LARGE1: variants seen among roughly 807,000 people sequenced by gnomAD.
LARGE1 encodes the protein LARGE xylosyl- and glucuronyltransferase 1.
Under a neutral mutation model 87.6 loss-of-function variants are expected in LARGE1, and 43 were observed. The ratio of observed to expected loss-of-function variants is 0.49; its 90% CI spans 0.38 to 0.63. The LOEUF is 0.63. Ranked by LOEUF, LARGE1 falls within the 30% of genes least tolerant of loss-of-function variation. The probability of loss-of-function intolerance (pLI) is 0.00; values close to 1 mark genes in which losing one functional copy is unlikely to be tolerated. For synonymous variants in LARGE1, 434 were observed against 394.6 expected (o/e 1.10, Z -1.18); for missense variants, 802 against 1,000.2 (o/e 0.80, Z 2.67).
At chr22:33,745,982 G>C (rs1441884670) in intron 2 of LARGE1, among the ~76,000 whole-genome samples, 2 of 152,174 alleles carry the variant, frequency 1.3e-5, no homozygotes, top group African/African-American at 2.4e-5. Flanking sequence ...AGAAACCTTA[G>C]AGAGATCACA....
At chr22:33,859,521 C>G (rs187755442) in intron 1 of LARGE1, among the ~76,000 whole-genome samples, 18 of 152,322 alleles carry the variant, frequency 1.2e-4, no homozygotes, top group Admixed American at 1.1e-3. Flanking sequence ...AGGCCCAAAG[C>G]AGTTTCAGGC....
chr22:33,639,411 T>G (rs1359002209), intron 3 of LARGE1, among the ~76,000 whole-genome samples: 3 of 152,176 alleles, frequency 2.0e-5, no homozygotes, highest in Admixed American at 1.3e-4. Flanking sequence ...TGGTGCTGTT[T>G]CAGATTATTT....
At chr22:33,471,708 A>C (rs1360558655) in intron 6 of LARGE1, among the ~76,000 whole-genome samples, 2 of 152,170 alleles carry the variant, frequency 1.3e-5, no homozygotes, top group Non-Finnish European at 2.9e-5. Flanking sequence ...AAAGAGGCTG[A>C]AAGCACTGGG....
At chr22:33,530,475 T>A (rs1457832392) in intron 6 of LARGE1, among the ~76,000 whole-genome samples, 1 of 152,044 alleles carries the variant, frequency 6.6e-6, no homozygotes, top group African/African-American at 2.4e-5. Context: ...TTTTTTTTTT[T>A]TTTTAGCCAT....
chr22:33,631,156 T>A (rs2080099040), intron 3 of LARGE1, among the ~76,000 whole-genome samples: 1 of 45,876 alleles, frequency 2.2e-5, no homozygotes, highest in African/African-American at 3.8e-5. Flanking sequence ...CCCAGCCAAC[T>A]GTCTATTTTT....
chr22:33,319,763 T>C (rs1936537181), intron 10 of LARGE1, among the ~76,000 whole-genome samples: 1 of 151,356 alleles, frequency 6.6e-6, no homozygotes, highest in Non-Finnish European at 1.5e-5. Flanking sequence ...TAGAGTGCTA[T>C]TGGTATTTTG....
At chr22:33,814,654 A>G (rs764514347) in intron 1 of LARGE1, among the ~76,000 whole-genome samples, 22 of 152,154 alleles carry the variant, frequency 1.4e-4, no homozygotes, top group Non-Finnish European at 2.8e-4. Context: ...CCAGCCTGCC[A>G]GTGTAACCTA....
intron 10 of LARGE1, among the ~76,000 whole-genome samples, chr22:33,330,102 T>C (rs1456837151): frequency 6.6e-6 from 1 of 151,892 alleles, no homozygotes; most frequent in African/African-American, 2.4e-5. Flanking sequence ...CAACATGAGG[T>C]AGAACAATTT....
intron 5 of LARGE1, among the ~76,000 whole-genome samples, chr22:33,570,118 C>T (rs796085700): frequency 1.3e-5 from 2 of 152,274 alleles, no homozygotes; most frequent in African/African-American, 4.8e-5. Flanking sequence ...CTCACTTAAC[C>T]TCCTTGAGTC....
chr22:33,412,673 A>G (rs769623715), intron 7 of LARGE1, among the ~76,000 whole-genome samples: 1 of 152,026 alleles, frequency 6.6e-6, no homozygotes, highest in Non-Finnish European at 1.5e-5. Context: ...GTATTTATTT[A>G]TTTTTGAGAT....
chr22:33,690,265 A>T (rs1475462286), intron 2 of LARGE1, among the ~76,000 whole-genome samples: 1 of 152,258 alleles, frequency 6.6e-6, no homozygotes, highest in Non-Finnish European at 1.5e-5. Flanking sequence ...CGTGACCTTC[A>T]GAAAGCTGGT....
intron 1 of LARGE1, among the ~76,000 whole-genome samples, chr22:33,905,622 G>A (rs184078844): frequency 6.6e-6 from 1 of 152,192 alleles, no homozygotes; most frequent in Admixed American, 6.5e-5. Context: ...TCTCACATGA[G>A]AAAGGGGCTT....
At chr22:33,890,093 G>C (rs1468593323) in intron 1 of LARGE1, among the ~76,000 whole-genome samples, 1 of 152,240 alleles carries the variant, frequency 6.6e-6, no homozygotes, top group African/African-American at 2.4e-5. Context: ...AACAACGACA[G>C]TGGTCTGAAG....
intron 1 of LARGE1, among the ~76,000 whole-genome samples, chr22:33,844,705 A>G (rs2063379775): frequency 1.3e-5 from 2 of 151,522 alleles, no homozygotes; most frequent in African/African-American, 4.9e-5. Flanking sequence ...TTATAAAATA[A>G]GAGTGTGGTT....
intron 12 of LARGE1, among the ~76,000 whole-genome samples, chr22:33,302,927 G>T (rs779360830): frequency 6.6e-6 from 1 of 152,124 alleles, no homozygotes; most frequent in Non-Finnish European, 1.5e-5. Context: ...GAACCAATGG[G>T]ATGATATATG....
chr22:33,498,085 A>T (rs2070236054), intron 6 of LARGE1, among the ~76,000 whole-genome samples: 1 of 152,052 alleles, frequency 6.6e-6, no homozygotes, highest in South Asian at 2.1e-4. Context: ...GGGTTTCGGC[A>T]TGTTGGTTAG....
intron 6 of LARGE1, among the ~76,000 whole-genome samples, chr22:33,462,428 T>C (rs2068418200): frequency 6.6e-6 from 1 of 151,994 alleles, no homozygotes; most frequent in South Asian, 2.1e-4. Flanking sequence ...AGAAGGAAGG[T>C]CTGAAATGTG....
rs114106884 is a variant in LARGE1, at chr22:33,487,464, T to G, written c.788-55199A>C. ...GGTCCTTCTCCCCAGTATCTACTCCTCTGCTTGCTTTTCTGGCTCATGAGT... is the reference window on the plus strand; with the variant it reads ...GGTCCTTCTCCCCAGTATCTACTCCGCTGCTTGCTTTTCTGGCTCATGAGT... On this transcript the variant is annotated intron_variant, in intron 6 of 14. Coordinates refer to ENST00000397394, the MANE Select transcript of LARGE1 (RefSeq NM_133642.5). Among the ~76,000 whole-genome samples the G allele has an allele frequency of 4.4e-3, 675 of 152,286 alleles. 6 individuals carry two copies. Among genetic ancestry groups the G allele is most frequent in the African/African-American group, 0.015 (637 of 41,570 alleles).
intron 5 of LARGE1, among the ~76,000 whole-genome samples, chr22:33,577,761 A>G (rs2078396461): frequency 6.6e-6 from 1 of 152,244 alleles, no homozygotes; most frequent in African/African-American, 2.4e-5. Context: ...AAACACACGG[A>G]CAGCAACTTA....
Sources: allele counts gnomAD v4.1 joint callset (sites outside exome capture counted in the v4.1 genomes callset), GRCh38; gene constraint gnomAD v4.1.1; transcripts MANE v1.5; gene names NCBI Gene and HGNC (gene_info 2026-07-23, HGNC 2026-07-21).